Variants in STAB2 observed in about 807,000 individuals in gnomAD.
STAB2 encodes stabilin 2.
STAB2 carries 288 observed loss-of-function variants against 338.1 expected under a neutral mutation model. The observed-to-expected ratio is 0.85, with a 90% CI of 0.77 to 0.94. The LOEUF (loss-of-function observed/expected upper bound fraction) is 0.94, where lower values mean the gene tolerates loss of function less well. STAB2 is among the 40% of genes least tolerant of loss of function. STAB2 has a pLI of 0.00. For missense variants in STAB2, 3,141 were observed against 3,210.1 expected, an observed-to-expected ratio of 0.98 and a Z score of 0.52; for synonymous variants, 1,202 against 1,193.3, an observed-to-expected ratio of 1.01 and a Z score of -0.15.
intron 48 of STAB2, 152 bp downstream of exon 48, chr12:103,729,147 A>G (rs1881440761): frequency 4.2e-6 from 3 of 715,800 alleles, no homozygotes; most frequent in Admixed American, 2.6e-5. Context: ...GAGCTAAATA[A>G]TGAGAATTCA....
At chr12:103,668,142 T>C (rs578180703) in intron 19 of STAB2, among the ~76,000 whole-genome samples, 1 of 152,238 alleles carries the variant, frequency 6.6e-6, no homozygotes, top group Non-Finnish European at 1.5e-5. Context: ...GAGTTCTAGA[T>C]AATTATGAGT....
intron 63 of STAB2, 92 bp downstream of exon 63, chr12:103,755,810 A>G: frequency 8.2e-7 from 1 of 1,217,004 alleles, no homozygotes; most frequent in South Asian, 1.3e-5. Flanking sequence ...TGAAGGCCAC[A>G]GTCACAGTTA....
At chr12:103,677,403 G>T in intron 24 of STAB2, 50 bp from the exon 25 acceptor site, 2 of 1,549,168 alleles carry the variant, frequency 1.3e-6, no homozygotes, top group Non-Finnish European at 1.8e-6. Context: ...TTGGAATCAT[G>T]TGGCTGGACT....
chr12:103,688,296 T>C, intron 28 of STAB2, 81 bp downstream of exon 28: 1 of 1,397,076 alleles, frequency 7.2e-7, no homozygotes, highest in Non-Finnish European at 1.0e-6. Context: ...AAACCGAAAA[T>C]GCAGCTGGTA....
Position 103,762,364 on chromosome 12 carries a change from C to T in STAB2, c.7450C>T (p.Arg2484Trp), listed in dbSNP as rs201240497. 3.5e-5 allele frequency: 56 copies of T among 1,614,194 alleles called. 1 individual carries two copies. The East Asian group carries it at 4.0e-4, about 12-fold the overall frequency. ...AVALAAYSYF[R>W]INRRTIGFQH... ...TGCCTTGGCTGCTTACTCCTACTTT[C>T]GGATAAACCGGAGAACAATCGGCTT... Residue 2484 changes from arginine (R) to tryptophan (W), a missense_variant, in exon 67 of 69, where the codon CGG (arginine) becomes TGG (tryptophan). By Grantham distance (101) the Arg-to-Trp change is moderately radical (BLOSUM62 -3). Transcript: ENST00000388887.
intron 48 of STAB2, 116 bp from the exon 49 acceptor site, chr12:103,730,000 G>T: frequency 1.1e-6 from 1 of 923,534 alleles, no homozygotes; most frequent in Non-Finnish European, 1.6e-6. Context: ...GTATTAACTT[G>T]GATATTCAGT....
chr12:103,660,179 C>T, intron 15 of STAB2, 152 bp from the exon 16 acceptor site: 1 of 767,540 alleles, frequency 1.3e-6, no homozygotes, highest in Non-Finnish European at 2.3e-6. Context: ...TGAACGTTAG[C>T]TATTTGGAGG....
intron 9 of STAB2, among the ~76,000 whole-genome samples, chr12:103,641,043 C>G (rs1872888495): frequency 1.3e-5 from 2 of 152,212 alleles, no homozygotes; most frequent in African/African-American, 4.8e-5. Context: ...TATCTCTGTT[C>G]CATTTTCAAT....
chr12:103,737,538 C>T (rs1882223449), intron 52 of STAB2, 96 bp from the exon 53 acceptor site: 2 of 1,366,280 alleles, frequency 1.5e-6, no homozygotes, highest in African/African-American at 3.0e-5. Flanking sequence ...TGTTACATGG[C>T]TGGGAAAGAA....
intron 61 of STAB2, among the ~76,000 whole-genome samples, chr12:103,754,502 A>G (rs1883941113): frequency 6.6e-6 from 1 of 151,228 alleles, no homozygotes; most frequent in Admixed American, 6.6e-5. Context: ...CACATGAAAA[A>G]CTCTTGCAAG....
At position 103,650,532 on chromosome 12, in the gene STAB2, C is replaced by T. The variant is rs768929902; in HGVS notation, c.1211C>T (p.Pro404Leu). ...GCCTGGCCACTGAGTAAGCTGGGAC[C>T]CTTCACGGTGCTGTTACCTACAGAC... ...AYAWPLSKLG[P>L]FTVLLPTDKG... is the part of the protein sequence containing the mutation. The change falls in exon 11 of 69, where the codon CCC (proline) becomes CTC (leucine). Residue 404 changes from proline (P) to leucine (L), a missense_variant. Transcript: ENST00000388887. The T allele has an allele frequency of 1.2e-6, 2 of 1,613,212 alleles. No individual in the cohort carries two copies. The highest frequency in any genetic ancestry group is 1.7e-6 in the Non-Finnish European group (2 of 1,179,354).
chr12:103,716,658 G>A (rs909567152), intron 43 of STAB2, among the ~76,000 whole-genome samples: 4 of 152,250 alleles, frequency 2.6e-5, no homozygotes, highest in Non-Finnish European at 4.4e-5. Context: ...AAAGAACTGT[G>A]TGAGCACACA....
At chr12:103,670,644 C>T (rs374948540) in intron 21 of STAB2, 52 bp from the exon 22 acceptor site, 8 of 1,423,282 alleles carry the variant, frequency 5.6e-6, no homozygotes, top group Non-Finnish European at 6.9e-6. Flanking sequence ...GAAATGAAAA[C>T]ACCTGAGAAC....
At chr12:103,629,037 C>T (rs985852387) in intron 5 of STAB2, among the ~76,000 whole-genome samples, 2 of 151,998 alleles carry the variant, frequency 1.3e-5, no homozygotes, top group African/African-American at 4.8e-5. Flanking sequence ...TACAGGGCAC[C>T]GTAAAAGATG....
intron 3 of STAB2, among the ~76,000 whole-genome samples, chr12:103,610,673 A>G (rs1019143725): frequency 2.4e-4 from 36 of 151,788 alleles, no homozygotes; most frequent in African/African-American, 8.7e-4. Context: ...AGGGTTTTTT[A>G]TGTCTCTATC....
At chr12:103,711,054 A>G (rs571624950) in intron 39 of STAB2, among the ~76,000 whole-genome samples, 61 of 152,358 alleles carry the variant, frequency 4.0e-4, no homozygotes, top group African/African-American at 1.4e-3. Context: ...AGCACTCCAT[A>G]ATAAAATGAT....
chr12:103,764,554 G>GA (rs1346134930), intron 68 of STAB2, among the ~76,000 whole-genome samples: 4 of 151,998 alleles, frequency 2.6e-5, no homozygotes, highest in South Asian at 2.1e-4. Flanking sequence ...GTTCTCGACT[G>GA]AAAAAAATAC....
intron 3 of STAB2, among the ~76,000 whole-genome samples, chr12:103,596,764 A>G (rs1386441177): frequency 6.6e-6 from 1 of 152,080 alleles, no homozygotes; most frequent in African/African-American, 2.4e-5. Context: ...CTATGTGCAG[A>G]CCAATGAGGC....
At chr12:103,731,488 CCTTTA>C (rs1219084735) in intron 49 of STAB2, 83 bp from the exon 50 acceptor site, 2 of 1,401,392 alleles carry the variant, frequency 1.4e-6, no homozygotes, top group African/African-American at 1.4e-5. Flanking sequence ...GGTTATGTTA[CCTTTA>C]CTTTTTTTCA....
Sources: allele counts gnomAD v4.1 joint callset (sites outside exome capture counted in the v4.1 genomes callset), GRCh38; gene constraint gnomAD v4.1.1; transcripts MANE v1.5; gene names NCBI Gene and HGNC (gene_info 2026-07-23, HGNC 2026-07-21).